The following STARD13 variants were observed in gnomAD, a reference collection of about 807,000 sequenced individuals.
STARD13 encodes the protein StAR related lipid transfer domain containing 13.
STARD13 carries 62 observed loss-of-function variants against 106.4 expected under a neutral mutation model. The observed-to-expected ratio is 0.58, with a 90% confidence interval of 0.48 to 0.72. The LOEUF is 0.72. Ranked by LOEUF, STARD13 falls within the 30% of genes least tolerant of loss-of-function variation. The pLI is 0.00. For missense variants in STARD13, 1,387 were observed against 1,424.0 expected (o/e 0.97, Z 0.42); for synonymous variants, 565 against 553.0 (o/e 1.02, Z -0.31).
chr13:33,258,499 C>A (rs1890481292), intron 1 of STARD13, among the ~76,000 whole-genome samples: 1 of 152,008 alleles, frequency 6.6e-6, no homozygotes, highest in South Asian at 2.1e-4. Flanking sequence ...AAAAGAGTGG[C>A]CTTTTCAGTG....
chr13:33,429,916 TA>T, the STARD13 span, among the ~76,000 whole-genome samples: 8 of 141,506 alleles, frequency 5.7e-5, no homozygotes, highest in Non-Finnish European at 1.0e-4. Context: ...AACTTAATTG[TA>T]CTTTTTTTTT....
the STARD13 span, among the ~76,000 whole-genome samples, chr13:33,489,991 T>C: frequency 1.4e-4 from 22 of 152,340 alleles, no homozygotes; most frequent in South Asian, 3.1e-3. Flanking sequence ...AAACTGTATG[T>C]TAAGCAAGCA....
At chr13:33,247,412 G>A (rs1180762887) in intron 1 of STARD13, among the ~76,000 whole-genome samples, 2 of 151,938 alleles carry the variant, frequency 1.3e-5, no homozygotes, top group Non-Finnish European at 2.9e-5. Flanking sequence ...TGATGGACAA[G>A]CAGACACGAA....
chr13:33,617,359 A>AC, the STARD13 span, among the ~76,000 whole-genome samples: 2 of 152,194 alleles, frequency 1.3e-5, no homozygotes, highest in South Asian at 4.1e-4. Flanking sequence ...CAAAGAGGTG[A>AC]TATCTGAGAC....
In STARD13 at chr13:33,105,424, C is replaced by A; in HGVS notation, c.*169G>T. 1.7e-6 allele frequency: 1 copy of A among 572,304 alleles called. No individual in the cohort carries two copies. Among genetic ancestry groups the A allele is most frequent in the Non-Finnish European group, 3.1e-6 (1 of 318,412 alleles). The allele number at this position is 572,304 out of a possible 1,614,324, so 35.5% of individuals were successfully genotyped here. On this transcript the variant is annotated 3_prime_UTR_variant, in exon 14 of 14. Transcript: ENST00000336934. Reference sequence around the variant, plus strand: ...CATCTCCAGGAAGGCTAAGAAAGTTCTTGGAAATTCTTGCATCTCCAACAT... The same window carrying A: ...CATCTCCAGGAAGGCTAAGAAAGTTATTGGAAATTCTTGCATCTCCAACAT...
the STARD13 span, among the ~76,000 whole-genome samples, chr13:33,551,568 C>CTTTTTTTT: frequency 0.021 from 951 of 44,794 alleles, 466 homozygotes; most frequent in East Asian, 0.058. Flanking sequence ...TTTGCTTTTC[C>CTTTTTTTT]CTTTTTTTTT....
the STARD13 span, among the ~76,000 whole-genome samples, chr13:33,499,619 CTT>C: frequency 1.0e-3 from 109 of 109,176 alleles, 1 homozygote; most frequent in East Asian, 4.0e-3. Context: ...TCTTCTTCTT[CTT>C]CTTCTTCTTC....
chr13:33,332,472 C>A (rs140877727), intron 1 of STARD13, among the ~76,000 whole-genome samples: 34 of 152,250 alleles, frequency 2.2e-4, no homozygotes, highest in African/African-American at 8.2e-4. Context: ...ATAAAAGGGA[C>A]CACAGAGAGA....
intron 1 of STARD13, among the ~76,000 whole-genome samples, chr13:33,322,132 T>C (rs1216179268): frequency 6.6e-6 from 1 of 152,258 alleles, no homozygotes; most frequent in Non-Finnish European, 1.5e-5. Flanking sequence ...ACAAGTATTA[T>C]AGCTCATTTC....
Position 33,127,391 on chromosome 13 carries a change from T to C in STARD13, c.1904A>G (p.Asn635Ser), listed in dbSNP as rs1326471019. 4.4e-6 allele frequency: 7 copies of C among 1,600,254 alleles called. No homozygotes were observed. The highest frequency in any genetic ancestry group is 1.3e-5 in the African/African-American group (1 of 74,360). ...TACGCACCATGTCCAGCCGTGCTTG[T>C]TGGACATGGAGTGCTTCTCCATGAT... ...TAIMEKHSMSNKHGWTWSVPK... is the reference protein window; with the variant it reads ...TAIMEKHSMSSKHGWTWSVPK... Residue 635 changes from asparagine (N) to serine (S), a missense_variant, in exon 6 of 14, where the codon AAC becomes AGC. Coordinates refer to ENST00000336934, the MANE Select transcript of STARD13 (RefSeq NM_178006.4).
chr13:33,118,614 G>A (rs1026369745), intron 7 of STARD13, among the ~76,000 whole-genome samples: 4 of 152,188 alleles, frequency 2.6e-5, no homozygotes, highest in Admixed American at 2.6e-4. Context: ...CATGCTTAGA[G>A]TTCCTAGGTG....
chr13:33,500,595 G>C, the STARD13 span, among the ~76,000 whole-genome samples: 2 of 151,974 alleles, frequency 1.3e-5, no homozygotes, highest in Non-Finnish European at 2.9e-5. Context: ...ATCCATTTTG[G>C]GTGCTCTTTG....
At chr13:33,399,145 T>G in the STARD13 span, among the ~76,000 whole-genome samples, 1 of 152,250 alleles carries the variant, frequency 6.6e-6, no homozygotes, top group Admixed American at 6.5e-5. Context: ...CAATGGAGTA[T>G]TATTCAGGCA....
chr13:33,611,215 G>C, the STARD13 span: 1 of 152,316 alleles, frequency 6.6e-6, no homozygotes, highest in African/African-American at 2.4e-5. Flanking sequence ...CTGCTGGCAG[G>C]CTCCCCCAGT....
the STARD13 span, among the ~76,000 whole-genome samples, chr13:33,616,386 G>A: frequency 4.6e-5 from 7 of 152,348 alleles, no homozygotes; most frequent in African/African-American, 1.7e-4. Flanking sequence ...GGTGGTTTTA[G>A]TAGTCAGCAA....
chr13:33,228,423 T>C (rs763811178), intron 1 of STARD13, among the ~76,000 whole-genome samples: 1 of 151,914 alleles, frequency 6.6e-6, no homozygotes, highest in Non-Finnish European at 1.5e-5. Flanking sequence ...GAATTAAGAG[T>C]ACAGTTCATT....
the STARD13 span, among the ~76,000 whole-genome samples, chr13:33,560,182 C>G: frequency 6.6e-6 from 1 of 151,468 alleles, no homozygotes; most frequent in Non-Finnish European, 1.5e-5. Context: ...CACATAGCTA[C>G]CCCACACTAT....
the STARD13 span, among the ~76,000 whole-genome samples, chr13:33,499,511 C>CTTTCT: frequency 4.0e-3 from 276 of 69,084 alleles, 26 homozygotes; most frequent in African/African-American, 0.017. Context: ...TCTTCTTCTT[C>CTTTCT]TTCTTTCTTT....
the STARD13 span, among the ~76,000 whole-genome samples, chr13:33,637,532 C>T: frequency 1.2e-4 from 19 of 152,130 alleles, no homozygotes; most frequent in African/African-American, 4.3e-4. Context: ...CTGGAAAGAT[C>T]TGGAATATCA....
Sources: gnomAD v4.1 joint callset for allele counts (sites outside exome capture counted in the v4.1 genomes callset) on GRCh38, gnomAD v4.1.1 for gene constraint, MANE v1.5 for transcripts, NCBI Gene and HGNC (gene_info 2026-07-23, HGNC 2026-07-21) for gene names.